Variants in CYB5RL observed in about 807,000 individuals in gnomAD.
The protein encoded by CYB5RL is cytochrome b5 reductase like, also known as NADH-cytochrome b5 reductase-like.
In CYB5RL, 38 loss-of-function variants were observed where a neutral mutation model predicts 37.5. The ratio of observed to expected loss-of-function variants is 1.01; its 90% CI spans 0.78 to 1.33. The LOEUF is 1.33. Ranked by LOEUF, CYB5RL falls within the 40% of genes most tolerant of loss-of-function variation. CYB5RL has a pLI of 0.00. For missense variants in CYB5RL, 388 were observed against 394.4 expected, an observed-to-expected ratio of 0.98 and a Z score of 0.14; for synonymous variants, 141 against 151.9, an observed-to-expected ratio of 0.93 and a Z score of 0.53.
In CYB5RL at chr1:54,172,823, C is replaced by T. The variant is rs1031068628; in HGVS notation, c.*1796G>A. 2.0e-5 allele frequency: 3 copies of T among 152,158 alleles called. No homozygotes were observed. Among genetic ancestry groups the T allele is most frequent in the African/African-American group, 7.2e-5 (3 of 41,412 alleles). 9.4% of individuals were successfully genotyped at this position (152,158 alleles called of 1,614,324 possible). ...GAAAGGGTGGAGGAAAACTCGCAGA[C>T]CTCAGAGGCCTGGGGAGAGGAAAAG... On this transcript the variant is annotated 3_prime_UTR_variant, in exon 8 of 8. Transcript: ENST00000534324.
rs1349940307 is a variant in CYB5RL, at chr1:54,187,706, G to A, written c.381C>T (p.Ala127=). The A allele has an allele frequency of 6.2e-7, 1 of 1,613,966 alleles. No individual in the cohort carries two copies. Among genetic ancestry groups the A allele is most frequent in the East Asian group, 2.2e-5 (1 of 44,888 alleles). ...GIVDDLEIQR[A]YTPISPANAE... is the part of the protein sequence containing the mutation. ...CGTTGGCAGGGCTGATGGGCGTATA[G>A]GCTCTCTGAATTTCTAAGTCATCTA... The change falls in exon 5 of 8, where the codon GCC becomes GCT. Residue 127 remains alanine, a synonymous_variant. Transcript: ENST00000534324.
intron 3 of CYB5RL, among the ~76,000 whole-genome samples, chr1:54,192,181 ATTT>A (rs11302690): frequency 5.9e-4 from 65 of 110,858 alleles, no homozygotes; most frequent in African/African-American, 1.1e-3. Flanking sequence ...CTGTTTGCAA[ATTT>A]TTTTTTTTTT....
intron 6 of CYB5RL, among the ~76,000 whole-genome samples, chr1:54,181,680 G>A (rs1660164562): frequency 6.6e-6 from 1 of 152,206 alleles, no homozygotes; most frequent in Admixed American, 6.5e-5. Context: ...AGCTGGACAC[G>A]GTGGCTTATG....
intron 7 of CYB5RL, among the ~76,000 whole-genome samples, chr1:54,178,132 T>C (rs1481894320): frequency 6.6e-6 from 1 of 152,238 alleles, no homozygotes; most frequent in Non-Finnish European, 1.5e-5. Context: ...CTGAGCATTC[T>C]GCCCCATGGA....
intron 5 of CYB5RL, among the ~76,000 whole-genome samples, chr1:54,186,798 C>T (rs926054045): frequency 1.3e-5 from 2 of 152,032 alleles, no homozygotes; most frequent in African/African-American, 4.8e-5. Flanking sequence ...GTGCTGAGGT[C>T]TCGGTGTCAG....
At chr1:54,183,987 A>G (rs1288571473) in intron 6 of CYB5RL, 174 bp downstream of exon 6, 1 of 403,962 alleles carries the variant, frequency 2.5e-6, no homozygotes, top group East Asian at 4.6e-5. Context: ...AAATAAATAA[A>G]TAAATAAATA....
At chr1:54,189,474 G>A (rs977036672) in intron 4 of CYB5RL, among the ~76,000 whole-genome samples, 1 of 152,178 alleles carries the variant, frequency 6.6e-6, no homozygotes, top group Non-Finnish European at 1.5e-5. Context: ...GGTTGGCAAA[G>A]GGAGAAGAAC....
At chr1:54,198,660 C>G (rs1388944730) in intron 1 of CYB5RL, among the ~76,000 whole-genome samples, 6 of 119,416 alleles carry the variant, frequency 5.0e-5, no homozygotes, top group Non-Finnish European at 9.8e-5. Context: ...GAGACAGGGT[C>G]TTGCTGTGTT....
chr1:54,192,545 A>G (rs1028556330), intron 3 of CYB5RL, among the ~76,000 whole-genome samples: 1 of 152,140 alleles, frequency 6.6e-6, no homozygotes, highest in East Asian at 1.9e-4. Flanking sequence ...AGGTGATGAC[A>G]GCTACTATTT....
In CYB5RL at chr1:54,190,846, A is replaced by C; in HGVS notation, c.249T>G (p.Ile83Met). ...TGTCCTTAGTGAGCCTGTCCATGGC[A>C]ATGATGCAGAAGGCCACGAAGGTCT... ...NPETFVAFCI[I>M]AMDRLTKDTY... Residue 83 changes from isoleucine (I) to methionine (M), a missense_variant, in exon 4 of 8, where the codon ATT becomes ATG. By Grantham distance (10) the Ile-to-Met change is conservative. Coordinates refer to ENST00000534324, the MANE Select transcript of CYB5RL (RefSeq NM_001031672.4). 6.2e-7 allele frequency: 1 copy of C among 1,608,784 alleles called. No homozygotes were observed. Among genetic ancestry groups the C allele is most frequent in the South Asian group, 1.1e-5 (1 of 89,666 alleles).
At chr1:54,176,859 A>G (rs1660031565) in intron 7 of CYB5RL, among the ~76,000 whole-genome samples, 1 of 152,164 alleles carries the variant, frequency 6.6e-6, no homozygotes, top group African/African-American at 2.4e-5. Context: ...AGAACCATCA[A>G]GGCCAGCCTG....
rs1375388382 is a variant in CYB5RL, at chr1:54,172,027, C to T, written c.*2592G>A. 2 of 156,912 alleles carry T rather than the reference C, an allele frequency of 1.3e-5. No homozygotes were observed. Among genetic ancestry groups the T allele is most frequent in the African/African-American group, 2.4e-5 (1 of 41,500 alleles). 9.7% of individuals were successfully genotyped at this position (156,912 alleles called of 1,614,324 possible). On this transcript the variant is annotated 3_prime_UTR_variant, in exon 8 of 8. Coordinates refer to ENST00000534324, the MANE Select transcript of CYB5RL (RefSeq NM_001031672.4). ...GAGTGAGGGGAAGAGGAGGCCAACA[C>T]ATTCTAGGTTGGTTACCACTGGGTG...
rs1643922342 is a variant in CYB5RL at position 54,188,514 on chromosome 1, A to G, written c.348-775T>C. Among the ~76,000 whole-genome samples, 4 of 152,248 alleles carry G rather than the reference A, an allele frequency of 2.6e-5. No individual in the cohort carries two copies. The South Asian group carries it at 8.3e-4, about 32-fold the overall frequency. On this transcript the variant is annotated intron_variant, in intron 4 of 7. Transcript: ENST00000534324. ...CCTGGTCTAAAGCCCTGTCTCATGC[A>G]TGAATCCTCTCCATGTTACCAAAAA...
Position 54,184,267 on chromosome 1 carries a change from T to C in CYB5RL, c.436-2A>G. On this transcript the variant is annotated splice_acceptor_variant, in intron 5 of 7. Transcript: ENST00000534324. LOFTEE classifies it high-confidence loss of function. ...GGACATCAGCCCCATCTGGTAGCAC[T>C]GGAAGCAAACACAGGGAGACGTCAG... 6.2e-7 allele frequency: 1 copy of C among 1,612,946 alleles called. No homozygotes were observed. Among genetic ancestry groups the C allele is most frequent in the Non-Finnish European group, 8.5e-7 (1 of 1,179,434 alleles).
rs1181320592 is a variant in CYB5RL at position 54,171,372 on chromosome 1, AT to A, written c.*3246del. ...CAAGGCCACAGGGAGACAGGGAAGG[AT>A]TTCAAGCAGGGGAGTGACAGGCTTG... On this transcript the variant is annotated 3_prime_UTR_variant, in exon 8 of 8. Coordinates refer to ENST00000534324, the MANE Select transcript of CYB5RL (RefSeq NM_001031672.4). 2 of 456,394 alleles carry A rather than the reference AT, an allele frequency of 4.4e-6. No individual in the cohort carries two copies. The highest frequency in any genetic ancestry group is 8.8e-6 in the Non-Finnish European group (2 of 226,808). 28.3% of individuals were successfully genotyped at this position (456,394 alleles called of 1,614,324 possible). A position where few individuals can be genotyped will look rare whatever the true frequency, so the allele number is the denominator to read the frequency against.
intron 3 of CYB5RL, among the ~76,000 whole-genome samples, chr1:54,193,276 A>AAGG: frequency 6.6e-6 from 1 of 152,346 alleles, no homozygotes; most frequent in African/African-American, 2.4e-5. Context: ...AGAAAGACAG[A>AAGG]GGCCCCTTCT....
At chr1:54,198,858 C>T (rs1234493210) in intron 1 of CYB5RL, among the ~76,000 whole-genome samples, 1 of 152,018 alleles carries the variant, frequency 6.6e-6, no homozygotes, top group African/African-American at 2.4e-5. Flanking sequence ...TGATCTCAAA[C>T]TCCTGGCCTC....
At chr1:54,192,330 A>C (rs1271592618) in intron 3 of CYB5RL, among the ~76,000 whole-genome samples, 1 of 151,782 alleles carries the variant, frequency 6.6e-6, no homozygotes, top group African/African-American at 2.4e-5. Context: ...GATCACAGAC[A>C]TGTGCCACCA....
intron 3 of CYB5RL, among the ~76,000 whole-genome samples, chr1:54,192,147 C>T (rs1367514349): frequency 1.3e-5 from 2 of 148,762 alleles, no homozygotes; most frequent in East Asian, 1.9e-4. Flanking sequence ...ATAGGACTGA[C>T]AAAATGTGTT....
Sources: gnomAD v4.1 joint callset for allele counts (sites outside exome capture counted in the v4.1 genomes callset) on GRCh38, gnomAD v4.1.1 for gene constraint, MANE v1.5 for transcripts, NCBI Gene and HGNC (gene_info 2026-07-23, HGNC 2026-07-21) for gene names.